NAV1: variants seen among roughly 807,000 people sequenced by gnomAD.
The protein encoded by NAV1 is neuron navigator 1.
Under a neutral mutation model 175.2 loss-of-function variants are expected in NAV1, and 18 were observed. That is an observed-to-expected ratio of 0.10 (90% CI 0.07 to 0.15). The LOEUF is 0.15. Ranked by LOEUF, NAV1 falls within the 10% of genes least tolerant of loss-of-function variation. The pLI is 1.00. For missense variants in NAV1, 1,731 were observed against 2,436.6 expected, an observed-to-expected ratio of 0.71 and a Z score of 6.10; for synonymous variants, 897 against 978.7, an observed-to-expected ratio of 0.92 and a Z score of 1.56.
At chr1:201,756,270 T>C (rs1674459384) in intron 3 of NAV1, among the ~76,000 whole-genome samples, 1 of 152,198 alleles carries the variant, frequency 6.6e-6, no homozygotes, top group African/African-American at 2.4e-5. Context: ...AGAGCCTATA[T>C]AAAAATATTT....
intron 3 of NAV1, among the ~76,000 whole-genome samples, chr1:201,767,409 C>T (rs918807201): frequency 2.6e-5 from 4 of 151,714 alleles, no homozygotes; most frequent in Admixed American, 2.0e-4. Context: ...CGAGATTGCG[C>T]CATTGCACTC....
intron 3 of NAV1, among the ~76,000 whole-genome samples, chr1:201,773,915 C>G (rs1333189252): frequency 6.6e-6 from 1 of 152,188 alleles, no homozygotes; most frequent in Non-Finnish European, 1.5e-5. Context: ...CTCATTTCCT[C>G]TCTGTTCTGG....
chr1:201,794,499 G>A, exon 15 of NAV1: 1 of 1,613,784 alleles, frequency 6.2e-7, no homozygotes, highest in Non-Finnish European at 8.5e-7. Context: ...AGAAACCATA[G>A]ACTTTCTGAA....
At chr1:201,617,450 C>T (rs973335306) in intron 2 of NAV1, among the ~76,000 whole-genome samples, 3 of 152,104 alleles carry the variant, frequency 2.0e-5, no homozygotes, top group Non-Finnish European at 4.4e-5. Flanking sequence ...AAGCTGGGCA[C>T]GGGAGCTCAT....
At chr1:201,804,144 C>A (rs1678127827) in intron 16 of NAV1, 3 of 463,808 alleles carry the variant, frequency 6.5e-6, no homozygotes, top group South Asian at 6.2e-5. Context: ...TTTTGTGGAG[C>A]TTTCCAGATT....
intron 1 of NAV1, among the ~76,000 whole-genome samples, chr1:201,675,523 C>G (rs572336155): frequency 1.3e-5 from 2 of 152,318 alleles, no homozygotes; most frequent in East Asian, 3.9e-4. Flanking sequence ...TCCATAAACA[C>G]TACTATTACT....
intron 1 of NAV1, among the ~76,000 whole-genome samples, chr1:201,708,574 T>C (rs148390000): frequency 6.6e-6 from 1 of 152,130 alleles, no homozygotes; most frequent in African/African-American, 2.4e-5. Context: ...GCTGGTATCA[T>C]GTGAAGGAGA....
chr1:201,620,884 C>A (rs1242500629), upstream of NAV1, among the ~76,000 whole-genome samples: 1 of 152,058 alleles, frequency 6.6e-6, no homozygotes, highest in Non-Finnish European at 1.5e-5. Context: ...CTAATAAAGT[C>A]TTTGGTTTTT....
intron 3 of NAV1, among the ~76,000 whole-genome samples, chr1:201,728,130 C>CT (rs988681575): frequency 1.5e-4 from 22 of 151,222 alleles, no homozygotes; most frequent in East Asian, 3.9e-4. Context: ...TTTTCTTTTT[C>CT]TTTTTTTTTG....
intron 1 of NAV1, among the ~76,000 whole-genome samples, chr1:201,628,428 G>T (rs987533651): frequency 9.9e-5 from 15 of 151,334 alleles, no homozygotes; most frequent in African/African-American, 3.4e-4. Flanking sequence ...ACCCAGAGAG[G>T]AGAAGAGATC....
intron 3 of NAV1, among the ~76,000 whole-genome samples, chr1:201,752,711 CAGAG>C (rs1450961165): frequency 6.6e-5 from 10 of 151,394 alleles, no homozygotes; most frequent in Admixed American, 6.6e-4. Context: ...GAGAAGGAGA[CAGAG>C]AGGCGAGGTA....
intron 1 of NAV1, among the ~76,000 whole-genome samples, chr1:201,553,375 A>G (rs1665918831): frequency 6.6e-6 from 1 of 152,240 alleles, no homozygotes; most frequent in African/African-American, 2.4e-5. Context: ...ACTCAGCCAG[A>G]GGAGTGAACA....
At chr1:201,671,710 A>G (rs1231934071) in intron 1 of NAV1, among the ~76,000 whole-genome samples, 1 of 152,200 alleles carries the variant, frequency 6.6e-6, no homozygotes, top group East Asian at 1.9e-4. Context: ...GTCTCTAGGC[A>G]GTGGGCATTT....
intron 1 of NAV1, among the ~76,000 whole-genome samples, chr1:201,558,361 T>C (rs1415243335): frequency 1.3e-5 from 2 of 152,190 alleles, no homozygotes; most frequent in Non-Finnish European, 2.9e-5. Context: ...GCTCAGATAA[T>C]GGTTAGTAAA....
At chr1:201,816,831 T>TA (rs1679066451) in intron 28 of NAV1, 2 of 399,368 alleles carry the variant, frequency 5.0e-6, no homozygotes, top group African/African-American at 2.1e-5. Context: ...GCATGGCTAA[T>TA]TTTTTTTTTC....
In NAV1 at chr1:201,750,056, T is replaced by G. The variant is rs1674006865; in HGVS notation, c.1227-30365T>G. ...TGCTCCACCTTAAAGAAACTGACATTAGACTTGATAATGCACTGTAGGTAT... is the reference window on the plus strand; with the variant it reads ...TGCTCCACCTTAAAGAAACTGACATGAGACTTGATAATGCACTGTAGGTAT... On this transcript the variant is annotated intron_variant, in intron 3 of 29. Coordinates refer to ENST00000367296, the Ensembl canonical transcript of NAV1. This position sits in a 1 kb window ranked among gnomAD's most constrained non-coding sequence, Gnocchi z 4.1. Among the ~76,000 whole-genome samples, 1 of 152,248 alleles carries G rather than the reference T, an allele frequency of 6.6e-6. No individual in the cohort carries two copies. Among genetic ancestry groups the G allele is most frequent in the African/African-American group, 2.4e-5 (1 of 41,460 alleles).
intron 2 of NAV1, among the ~76,000 whole-genome samples, chr1:201,634,785 G>A (rs372498321): frequency 6.6e-6 from 1 of 152,146 alleles, no homozygotes; most frequent in Non-Finnish European, 1.5e-5. Context: ...TCTTTTCCCC[G>A]TGGCTACCTT....
chr1:201,581,850 G>T (rs1252179638), intron 1 of NAV1, among the ~76,000 whole-genome samples: 6 of 151,874 alleles, frequency 4.0e-5, no homozygotes, highest in African/African-American at 1.4e-4. Context: ...AAATAATAAA[G>T]CTCCCTGATA....
At chr1:201,809,866 C>G in intron 22 of NAV1, 80 bp from the exon 27 acceptor site, 1 of 1,342,740 alleles carries the variant, frequency 7.4e-7, no homozygotes, top group Non-Finnish European at 1.0e-6. Flanking sequence ...TTTCTGTTTC[C>G]TCTGATAGAC....
Sources: allele counts gnomAD v4.1 joint callset (sites outside exome capture counted in the v4.1 genomes callset), GRCh38; gene constraint gnomAD v4.1.1; non-coding constraint Gnocchi (gnomAD v3.1); transcripts MANE v1.5; gene names NCBI Gene and HGNC (gene_info 2026-07-23, HGNC 2026-07-21).